BICRAL: variants seen among roughly 807,000 people sequenced by gnomAD.
BICRAL encodes the protein BRD4-interacting chromatin-remodeling complex-associated protein-like.
Under a neutral mutation model 91.8 loss-of-function variants are expected in BICRAL, and 8 were observed. The observed-to-expected ratio is 0.09, with a 90% CI of 0.05 to 0.16. The LOEUF is 0.16. Ranked by LOEUF, BICRAL falls within the 10% of genes least tolerant of loss-of-function variation. BICRAL has a pLI of 1.00. For synonymous variants in BICRAL, 445 were observed against 491.1 expected, an observed-to-expected ratio of 0.91 and a Z score of 1.24; for missense variants, 1,038 against 1,310.9, an observed-to-expected ratio of 0.79 and a Z score of 3.21.
intron 2 of BICRAL, among the ~76,000 whole-genome samples, chr6:42,821,415 TTTGGAG>T (rs1171118579): frequency 6.6e-6 from 1 of 152,254 alleles, no homozygotes; most frequent in East Asian, 1.9e-4. Flanking sequence ...ATGTAGATTG[TTTGGAG>T]TTGAACAGGG....
intron 5 of BICRAL, among the ~76,000 whole-genome samples, chr6:42,823,807 C>A (rs1764212661): frequency 6.6e-6 from 1 of 152,040 alleles, no homozygotes; most frequent in African/African-American, 2.4e-5. Flanking sequence ...CGCCTGTAAT[C>A]CCAGCTACTC....
At chr6:42,799,105 C>T (rs893811443) in intron 1 of BICRAL, among the ~76,000 whole-genome samples, 3 of 152,152 alleles carry the variant, frequency 2.0e-5, no homozygotes. Context: ...CAAGGTCTCA[C>T]TATATTGCCC....
intron 1 of BICRAL, among the ~76,000 whole-genome samples, chr6:42,749,730 C>A (rs979790399): frequency 1.3e-5 from 2 of 152,020 alleles, no homozygotes; most frequent in South Asian, 4.1e-4. Context: ...ATCTTGTTTC[C>A]TGTAAAGCCC....
chr6:42,815,944 A>G (rs1763978470), intron 2 of BICRAL, among the ~76,000 whole-genome samples: 1 of 139,516 alleles, frequency 7.2e-6, no homozygotes, highest in African/African-American at 2.7e-5. Context: ...AGATTGCGCC[A>G]TTGCTCTCTA....
chr6:42,822,373 G>A lies in BICRAL; in HGVS notation c.41+310G>A, dbSNP rs150947055. ...CTCCCACCTCAGCCTCCCAAGTAGC[G>A]GGGACTACAGTCACACACCACCATG... On this transcript the variant is annotated intron_variant, in intron 3 of 12. Coordinates refer to ENST00000314073, the MANE Select transcript of BICRAL (RefSeq NM_001393499.1). Among the ~76,000 whole-genome samples the A allele has an allele frequency of 6.9e-3, 1,032 of 150,184 alleles. 9 individuals are homozygous for A. Among genetic ancestry groups the A allele is most frequent in the African/African-American group, 0.023 (952 of 40,990 alleles).
In BICRAL at chr6:42,822,928, T is replaced by C. The variant is rs1181099481; in HGVS notation, c.91-7T>C. The C allele has an allele frequency of 6.2e-7, 1 of 1,601,284 alleles. No homozygotes were observed. Among genetic ancestry groups the C allele is most frequent in the East Asian group, 2.2e-5 (1 of 44,780 alleles). On this transcript the variant is annotated splice_region_variant and splice_polypyrimidine_tract_variant and intron_variant, in intron 4 of 12. Transcript: ENST00000314073. ...AGTAACCACCTATTGAATTTGTATC[T>C]TTGCAGAGCAATGATGACTTGACTA...
chr6:42,838,318 C>G (rs752943072), intron 6 of BICRAL, among the ~76,000 whole-genome samples: 2 of 152,180 alleles, frequency 1.3e-5, no homozygotes, highest in African/African-American at 2.4e-5. Context: ...CTAGAGTGGC[C>G]TTGTCTGACT....
At chr6:42,836,477 C>T (rs935959216) in intron 6 of BICRAL, among the ~76,000 whole-genome samples, 1 of 152,076 alleles carries the variant, frequency 6.6e-6, no homozygotes, top group Non-Finnish European at 1.5e-5. Flanking sequence ...TTTTCAGGAA[C>T]AAGTGAAACC....
upstream of BICRAL, among the ~76,000 whole-genome samples, chr6:42,746,446 G>C (rs975805680): frequency 2.0e-5 from 3 of 149,936 alleles, no homozygotes; most frequent in Non-Finnish European, 3.0e-5. Flanking sequence ...CCTCCCCCCA[G>C]CTCCTCCCTA....
intron 1 of BICRAL, among the ~76,000 whole-genome samples, chr6:42,787,190 G>C (rs2113870350): frequency 6.6e-6 from 1 of 152,276 alleles, no homozygotes; most frequent in Non-Finnish European, 1.5e-5. Context: ...GCTGTGGAGG[G>C]AGAGGGAGGA....
chr6:42,757,982 A>G (rs1178100799), intron 1 of BICRAL, among the ~76,000 whole-genome samples: 7 of 152,170 alleles, frequency 4.6e-5, no homozygotes, highest in Non-Finnish European at 5.9e-5. Context: ...TCATGAGACT[A>G]CATCTGACCA....
At chr6:42,853,586 G>T in intron 7 of BICRAL, 52 bp from the exon 8 acceptor site, 1 of 1,325,620 alleles carries the variant, frequency 7.5e-7, no homozygotes, top group South Asian at 1.2e-5. Flanking sequence ...TTATATGATG[G>T]ACCCAATTTA....
Position 42,865,516 on chromosome 6 carries a change from C to G in BICRAL, c.*70C>G. 1 of 761,036 alleles carries G rather than the reference C, an allele frequency of 1.3e-6. No individual in the cohort carries two copies. The highest frequency in any genetic ancestry group is 1.8e-5 in the South Asian group (1 of 55,672). The allele number at this position is 761,036 out of a possible 1,614,324, so 47.1% of individuals were successfully genotyped here. ...GACCCCACCCCGGACCAGTTACATT[C>G]GTTCCTGGCAAAAGCAAATGGAAAT... On this transcript the variant is annotated 3_prime_UTR_variant, in exon 13 of 13. Transcript: ENST00000314073.
intron 8 of BICRAL, among the ~76,000 whole-genome samples, chr6:42,855,423 T>C (rs1765320682): frequency 6.6e-6 from 1 of 152,088 alleles, no homozygotes; most frequent in African/African-American, 2.4e-5. Context: ...ATACCTGTAG[T>C]CCCAGCTACC....
At chr6:42,861,317 T>C (rs1297338847) in intron 11 of BICRAL, among the ~76,000 whole-genome samples, 1 of 152,036 alleles carries the variant, frequency 6.6e-6, no homozygotes, top group Non-Finnish European at 1.5e-5. Context: ...GTCTCAAAAA[T>C]AAATAAATAA....
At chr6:42,788,491 G>C (rs1222255740) in intron 1 of BICRAL, among the ~76,000 whole-genome samples, 2 of 151,832 alleles carry the variant, frequency 1.3e-5, no homozygotes, top group African/African-American at 4.8e-5. Flanking sequence ...CAAAATGTTG[G>C]GATTATAGGT....
intron 6 of BICRAL, among the ~76,000 whole-genome samples, chr6:42,832,681 C>T (rs984932135): frequency 4.6e-5 from 7 of 151,434 alleles, no homozygotes; most frequent in Non-Finnish European, 7.4e-5. Flanking sequence ...ATACCCTTCA[C>T]CAAGATTCCC....
chr6:42,824,043 C>T lies in BICRAL; in HGVS notation c.159+1040C>T, dbSNP rs987746045. On this transcript the variant is annotated intron_variant, in intron 5 of 12. Transcript: ENST00000314073. ...ATGAAGTCAGGAGATCGAGACCATC[C>T]GGGCCAACACGGTGAAACCCCGTCT... 7.9e-5 allele frequency among the ~76,000 whole-genome samples: 12 copies of T among 152,086 alleles called. No homozygotes were observed. In the South Asian group the frequency reaches 1.4e-3, roughly 18 times the overall value.
chr6:42,785,888 T>A (rs925122734), intron 1 of BICRAL, among the ~76,000 whole-genome samples: 2 of 152,226 alleles, frequency 1.3e-5, no homozygotes, highest in African/African-American at 2.4e-5. Flanking sequence ...ACCCCGTTTC[T>A]ACTAAAAATA....
Sources: gnomAD v4.1 joint callset for allele counts (sites outside exome capture counted in the v4.1 genomes callset) on GRCh38, gnomAD v4.1.1 for gene constraint, MANE v1.5 for transcripts, NCBI Gene and HGNC (gene_info 2026-07-23, HGNC 2026-07-21) for gene names.